The following C1orf185 variants were observed in gnomAD, a reference collection of about 807,000 sequenced individuals.
C1orf185 encodes the protein chromosome 1 open reading frame 185, also known as uncharacterized protein C1orf185.
C1orf185 carries 13 observed loss-of-function variants against 16.1 expected under a neutral mutation model. The observed-to-expected ratio is 0.81, with a 90% CI of 0.53 to 1.28. The LOEUF (loss-of-function observed/expected upper bound fraction) is 1.28, where lower values mean the gene tolerates loss of function less well. Among genes scored for constraint, C1orf185 ranks in the 50% most tolerant of loss-of-function variants. C1orf185 has a pLI of 0.00. For missense variants in C1orf185, 220 were observed against 225.2 expected (o/e 0.98, Z 0.15); for synonymous variants, 80 against 76.9 (o/e 1.04, Z -0.21).
chr1:51,130,112 A>G (rs981434975), intron 3 of C1orf185, among the ~76,000 whole-genome samples: 2 of 152,172 alleles, frequency 1.3e-5, no homozygotes, highest in Non-Finnish European at 2.9e-5. Context: ...TCCAGTTTGC[A>G]GCTTGCACAT....
intron 1 of C1orf185, among the ~76,000 whole-genome samples, chr1:51,106,882 C>T (rs959891988): frequency 1.6e-4 from 25 of 151,836 alleles, no homozygotes; most frequent in African/African-American, 4.6e-4. Flanking sequence ...CTCAGCCTCC[C>T]GAGTAACTGG....
chr1:51,110,275 A>G (rs193109069), intron 1 of C1orf185, among the ~76,000 whole-genome samples: 285 of 152,304 alleles, frequency 1.9e-3, no homozygotes, highest in Middle Eastern at 3.4e-3. Flanking sequence ...GGCATATAGT[A>G]TTTGCAGTAT....
At position 51,118,683 on chromosome 1, in the gene C1orf185, C is replaced by A; in HGVS notation, c.140C>A (p.Ser47Tyr). ...ICKRREIFQN[S>Y]KFKAIDERCR... ...TTTTTCAGAGAAATATTTCAAAATT[C>A]CAAATTTAAAGCAATTGATGAGAGA... Residue 47 changes from serine (S) to tyrosine (Y), a missense_variant, in exon 3 of 5, where the codon TCC (serine) becomes TAC (tyrosine). Coordinates refer to ENST00000371759, the MANE Select transcript of C1orf185 (RefSeq NM_001136508.2). 4.3e-6 allele frequency: 6 copies of A among 1,408,598 alleles called. No homozygotes were observed. Among genetic ancestry groups the A allele is most frequent in the Admixed American group, 5.3e-5 (2 of 37,872 alleles). The allele number at this position is 1,408,598 out of a possible 1,614,324, so 87.3% of individuals were successfully genotyped here.
Position 51,147,978 on chromosome 1 carries a change from T to C in C1orf185, c.*207T>C, listed in dbSNP as rs1044886643. 8.9e-6 allele frequency: 4 copies of C among 448,202 alleles called. No homozygotes were observed. The highest frequency in any genetic ancestry group is 5.9e-5 in the African/African-American group (3 of 50,516). 27.8% of individuals were successfully genotyped at this position (448,202 alleles called of 1,614,324 possible). A position where few individuals can be genotyped will look rare whatever the true frequency, so the allele number is the denominator to read the frequency against. On this transcript the variant is annotated 3_prime_UTR_variant, in exon 5 of 5. Transcript: ENST00000371759. The stretch of plus-strand genomic sequence containing the variant: ...GCTCTACTTCCCTTGCTGGTTCTTA[T>C]TTCTAGAAACAAAATTAGGAAGAAC...
chr1:51,111,949 G>A (rs756110147), intron 1 of C1orf185, among the ~76,000 whole-genome samples: 5 of 152,064 alleles, frequency 3.3e-5, no homozygotes, highest in African/African-American at 4.8e-5. Context: ...GGCATGAGCC[G>A]CCACGCCCAT....
chr1:51,105,070 G>C (rs908967867), intron 1 of C1orf185, among the ~76,000 whole-genome samples: 2 of 151,538 alleles, frequency 1.3e-5, no homozygotes, highest in African/African-American at 4.8e-5. Flanking sequence ...CTATTCTCCT[G>C]TCTCAGCCTC....
At chr1:51,115,782 G>A (rs1646153058) in intron 2 of C1orf185, among the ~76,000 whole-genome samples, 1 of 152,158 alleles carries the variant, frequency 6.6e-6, no homozygotes, top group Non-Finnish European at 1.5e-5. Context: ...CTATTGCAGA[G>A]TCAGGGTGAG....
intron 3 of C1orf185, among the ~76,000 whole-genome samples, chr1:51,135,896 A>T (rs530518175): frequency 4.3e-4 from 66 of 152,294 alleles, no homozygotes; most frequent in African/African-American, 1.5e-3. Context: ...ATGCTCCACT[A>T]TCTAGAAAAC....
chr1:51,116,958 C>A (rs1646162390), intron 2 of C1orf185, among the ~76,000 whole-genome samples: 2 of 152,186 alleles, frequency 1.3e-5, no homozygotes, highest in Non-Finnish European at 2.9e-5. Flanking sequence ...GGTTAATTCC[C>A]TTAGTTACAT....
Position 51,147,952 on chromosome 1 carries a change from G to A in C1orf185, c.*181G>A, listed in dbSNP as rs915972843. 14 of 524,888 alleles carry A rather than the reference G, an allele frequency of 2.7e-5. No homozygotes were observed. Among genetic ancestry groups the A allele is most frequent in the South Asian group, 1.2e-4 (3 of 25,304 alleles). 32.5% of individuals were successfully genotyped at this position (524,888 alleles called of 1,614,324 possible). A position where few individuals can be genotyped will look rare whatever the true frequency, so the allele number is the denominator to read the frequency against. ...CTTTTTTTGTTCTTTACCATAGAGCGGCTCTACTTCCCTTGCTGGTTCTTA... is the reference window on the plus strand; with the variant it reads ...CTTTTTTTGTTCTTTACCATAGAGCAGCTCTACTTCCCTTGCTGGTTCTTA... On this transcript the variant is annotated 3_prime_UTR_variant, in exon 5 of 5. Transcript: ENST00000371759.
At chr1:51,103,438 CACACACACACAA>C (rs1452475089) in intron 1 of C1orf185, among the ~76,000 whole-genome samples, 1 of 150,416 alleles carries the variant, frequency 6.6e-6, no homozygotes, top group African/African-American at 2.5e-5. Context: ...CACACACACA[CACACACACACAA>C]AAACCACGAA....
intron 3 of C1orf185, among the ~76,000 whole-genome samples, chr1:51,133,287 A>G (rs968020709): frequency 1.3e-5 from 2 of 152,196 alleles, no homozygotes; most frequent in African/African-American, 4.8e-5. Flanking sequence ...AGCAAGACCC[A>G]TTGATATGCT....
intron 2 of C1orf185, among the ~76,000 whole-genome samples, chr1:51,117,098 T>G (rs1005842656): frequency 1.3e-5 from 2 of 152,216 alleles, no homozygotes; most frequent in African/African-American, 4.8e-5. Context: ...GAGAGTTCCA[T>G]GAGGGCAGGG....
chr1:51,108,325 A>G (rs1646088745), intron 1 of C1orf185, among the ~76,000 whole-genome samples: 1 of 152,008 alleles, frequency 6.6e-6, no homozygotes, highest in Non-Finnish European at 1.5e-5. Context: ...AATTGTGCAC[A>G]TTTATGGGGT....
chr1:51,131,677 A>G (rs922017280), intron 3 of C1orf185, among the ~76,000 whole-genome samples: 5 of 152,248 alleles, frequency 3.3e-5, no homozygotes, highest in East Asian at 1.9e-4. Context: ...AAGCTTATCC[A>G]TATTGCTTGT....
intron 3 of C1orf185, among the ~76,000 whole-genome samples, chr1:51,130,871 A>G (rs1203439517): frequency 1.3e-5 from 2 of 152,122 alleles, no homozygotes; most frequent in African/African-American, 4.8e-5. Context: ...TTTACATCTT[A>G]CATTTCTATG....
At chr1:51,145,401 C>G (rs1227355083) in intron 3 of C1orf185, among the ~76,000 whole-genome samples, 1 of 152,074 alleles carries the variant, frequency 6.6e-6, no homozygotes, top group South Asian at 2.1e-4. Flanking sequence ...GTTCATTAAA[C>G]AAGTCTAGGA....
chr1:51,146,090 A>G (rs1019830799), intron 4 of C1orf185, among the ~76,000 whole-genome samples: 61 of 152,342 alleles, frequency 4.0e-4, no homozygotes, highest in African/African-American at 1.3e-3. Flanking sequence ...TACCTCTTAC[A>G]TAATTTTAGA....
intron 3 of C1orf185, among the ~76,000 whole-genome samples, chr1:51,122,719 A>G (rs555778274): frequency 3.9e-5 from 6 of 152,338 alleles, no homozygotes; most frequent in Non-Finnish European, 7.3e-5. Flanking sequence ...TTATCCTAAA[A>G]GTCCTCTGTG....
Sources: gnomAD v4.1 joint callset for allele counts (sites outside exome capture counted in the v4.1 genomes callset) on GRCh38, gnomAD v4.1.1 for gene constraint, MANE v1.5 for transcripts, NCBI Gene and HGNC (gene_info 2026-07-23, HGNC 2026-07-21) for gene names.